Variants in GEMIN5 observed in about 807,000 individuals in gnomAD.
GEMIN5 encodes the protein gem nuclear organelle associated protein 5.
A neutral mutation model predicts 176.9 loss-of-function variants in GEMIN5; 124 were observed. That is an observed-to-expected ratio of 0.70 (90% confidence interval 0.61 to 0.81). The LOEUF is 0.81. Among genes scored for constraint, GEMIN5 ranks in the 40% least tolerant of loss-of-function variants. GEMIN5 has a pLI of 0.00. For missense variants in GEMIN5, 1,843 were observed against 1,814.6 expected, an observed-to-expected ratio of 1.02 and a Z score of -0.28; for synonymous variants, 673 against 665.2, an observed-to-expected ratio of 1.01 and a Z score of -0.18.
chr5:154,928,442 C>T, intron 6 of GEMIN5, 85 bp downstream of exon 6: 5 of 1,202,860 alleles, frequency 4.2e-6, no homozygotes. Flanking sequence ...CAAGCCTTGG[C>T]CATTACTTTC....
At chr5:154,889,511 A>G in intron 26 of GEMIN5, 94 bp from the exon 27 acceptor site, 1 of 645,754 alleles carries the variant, frequency 1.5e-6, no homozygotes, top group Non-Finnish European at 2.7e-6. Context: ...TGTATATAAC[A>G]TAAAGCTTAC....
chr5:154,919,956 C>G lies in GEMIN5; in HGVS notation c.1599+11G>C. On this transcript the variant is annotated intron_variant, in intron 11 of 27. Coordinates refer to ENST00000285873, the MANE Select transcript of GEMIN5 (RefSeq NM_015465.5). ...GTAAAAAGAAAATACTTCAGGACCA[C>G]AAGAACTCACTTTGATTGAATTGGT... 1 of 1,611,658 alleles carries G rather than the reference C, an allele frequency of 6.2e-7. No homozygotes were observed. The highest frequency in any genetic ancestry group is 1.1e-5 in the South Asian group (1 of 90,554).
chr5:154,935,896 T>G lies in GEMIN5; in HGVS notation c.454A>C (p.Arg152=). Residue 152 remains arginine (R), a synonymous_variant, in exon 3 of 28, where the codon AGG becomes CGG. Coordinates refer to ENST00000285873, the MANE Select transcript of GEMIN5 (RefSeq NM_015465.5). ...GAACAAGTAAGACAGAAAATTGTCC[T>G]GGGTTCTATAAAGAGGTGCTGGCTG... ...NDSQHLFIEP[R]TIFCLTCSPH... The G allele has an allele frequency of 6.2e-7, 1 of 1,613,896 alleles. No individual in the cohort carries two copies. Among genetic ancestry groups the G allele is most frequent in the Non-Finnish European group, 8.5e-7 (1 of 1,179,776 alleles).
At chr5:154,930,228 T>C (rs1764133899) in intron 5 of GEMIN5, among the ~76,000 whole-genome samples, 4 of 152,200 alleles carry the variant, frequency 2.6e-5, no homozygotes, top group Admixed American at 2.6e-4. Flanking sequence ...TAGTTTAGCC[T>C]GTGCGGTCTA....
At chr5:154,924,585 A>G (rs1763990109) in intron 8 of GEMIN5, 31 bp from the exon 9 acceptor site, 4 of 1,358,140 alleles carry the variant, frequency 2.9e-6, no homozygotes, top group African/African-American at 2.9e-5. Context: ...AAGTGAGAAT[A>G]TAAGAAGTGG....
intron 24 of GEMIN5, among the ~76,000 whole-genome samples, chr5:154,893,142 C>A (rs1317069923): frequency 6.7e-6 from 1 of 149,508 alleles, no homozygotes; most frequent in Non-Finnish European, 1.5e-5. Flanking sequence ...GTTTCTGGAA[C>A]TAAAAGCTGT....
Position 154,888,080 on chromosome 5 carries a change from T to C in GEMIN5, c.*130A>G. On this transcript the variant is annotated 3_prime_UTR_variant, in exon 28 of 28. Transcript: ENST00000285873. ...GGCAGGGTTGATTCAAACTTAATCC[T>C]TGTTTGTATTCTTTTGGATTACTGC... The C allele has an allele frequency of 1.2e-6, 1 of 851,182 alleles. No homozygotes were observed. The highest frequency in any genetic ancestry group is 1.7e-5 in the African/African-American group (1 of 58,990). The allele number at this position is 851,182 out of a possible 1,614,324, so 52.7% of individuals were successfully genotyped here.
At chr5:154,916,836 T>C (rs1165569358) in intron 13 of GEMIN5, among the ~76,000 whole-genome samples, 162 bp downstream of exon 13, 1 of 152,136 alleles carries the variant, frequency 6.6e-6, no homozygotes, top group Admixed American at 6.5e-5. Flanking sequence ...TTTGAAAGAA[T>C]TTTAAAATAA....
rs1469820139 is a variant in GEMIN5, at chr5:154,938,082, G to C, written c.52C>G (p.Arg18Gly). The C allele has an allele frequency of 6.6e-7, 1 of 1,511,154 alleles. No individual in the cohort carries two copies. Among genetic ancestry groups the C allele is most frequent in the African/African-American group, 1.4e-5 (1 of 69,226 alleles). 93.6% of individuals were successfully genotyped at this position (1,511,154 alleles called of 1,614,324 possible). Residue 18 changes from arginine to glycine, a missense_variant, in exon 1 of 28, where the codon CGC becomes GGC. Physicochemically the swap from Arg to Gly is moderately radical, Grantham distance 125. Coordinates refer to ENST00000285873, the MANE Select transcript of GEMIN5 (RefSeq NM_015465.5). ...CCCCCGGGCACGGCATCGCTGCAGC[G>C]GGCGCAGTACCAGTTGGGGGAGGGC... ...LPPSPNWYCARCSDAVPGGLF... is the reference protein window; with the variant it reads ...LPPSPNWYCAGCSDAVPGGLF...
chr5:154,889,866 T>C (rs1763188160), intron 26 of GEMIN5, among the ~76,000 whole-genome samples: 2 of 152,258 alleles, frequency 1.3e-5, no homozygotes, highest in Non-Finnish European at 2.9e-5. Flanking sequence ...TATCCATTCA[T>C]CTGTCAGTGG....
intron 8 of GEMIN5, among the ~76,000 whole-genome samples, chr5:154,924,861 C>T (rs1260941367): frequency 2.6e-5 from 4 of 151,780 alleles, no homozygotes; most frequent in African/African-American, 4.8e-5. Context: ...TGGTGGCGGG[C>T]GCCTGTAGTC....
In GEMIN5 at chr5:154,928,529, A is replaced by C; in HGVS notation, c.912T>G (p.Phe304Leu). 6.2e-7 allele frequency: 1 copy of C among 1,614,050 alleles called. No homozygotes were observed. Among genetic ancestry groups the C allele is most frequent in the East Asian group, 2.2e-5 (1 of 44,884 alleles). The part of the protein sequence containing the change: ...NQPTQLVSSC[F>L]GGELLQWDLT... ...AAGCATGACCAAAAAAGACTTACCC[A>C]AAACAGCTAGATACCAGCTGTGTTG... Residue 304 changes from phenylalanine (F) to leucine (L), a missense_variant and splice_region_variant, in exon 6 of 28, where the codon TTT (phenylalanine) becomes TTG (leucine). Transcript: ENST00000285873.
chr5:154,936,416 C>CAAAAAAAAAA (rs1303685123), intron 2 of GEMIN5, among the ~76,000 whole-genome samples: 1 of 14,918 alleles, frequency 6.7e-5, no homozygotes, highest in African/African-American at 1.2e-4. Flanking sequence ...GACTCCGTCT[C>CAAAAAAAAAA]AAAAAAAAAA....
rs544452250 is a variant in GEMIN5 at position 154,889,383 on chromosome 5, C to A, written c.4297G>T (p.Glu1433Ter). Residue 1433 changes from glutamate (E) to a stop codon, truncating the protein, a stop_gained, in exon 27 of 28, where the codon GAG (glutamate) becomes TAG (stop). Coordinates refer to ENST00000285873, the MANE Select transcript of GEMIN5 (RefSeq NM_015465.5). LOFTEE classifies it high-confidence loss of function. ...EEKNEPLSLP[E>*]LTKRLTEANQ... ...GCCTCGGTAAGCCTTTTGGTTAACT[C>A]AGGCAGAGAAAGTGGCTCATTTTTT... The A allele has an allele frequency of 6.2e-7, 1 of 1,610,446 alleles. No individual in the cohort carries two copies. Among genetic ancestry groups the A allele is most frequent in the Non-Finnish European group, 8.5e-7 (1 of 1,176,846 alleles).
At chr5:154,903,558 G>A (rs1462784833) in intron 18 of GEMIN5, among the ~76,000 whole-genome samples, 1 of 152,094 alleles carries the variant, frequency 6.6e-6, no homozygotes, top group African/African-American at 2.4e-5. Context: ...GTAAGTTATA[G>A]GAAGTCATCA....
At chr5:154,932,720 G>A (rs1764193812) in intron 3 of GEMIN5, among the ~76,000 whole-genome samples, 1 of 152,114 alleles carries the variant, frequency 6.6e-6, no homozygotes, top group Non-Finnish European at 1.5e-5. Flanking sequence ...TACATGCCAT[G>A]CCCAGCTAAT....
At chr5:154,933,340 A>G (rs1198891157) in intron 3 of GEMIN5, among the ~76,000 whole-genome samples, 2 of 152,036 alleles carry the variant, frequency 1.3e-5, no homozygotes, top group African/African-American at 4.8e-5. Context: ...TGTTTTTTTC[A>G]CTCATTCTGT....
In GEMIN5 at chr5:154,938,061, C is replaced by A; in HGVS notation, c.73G>T (p.Gly25Trp). The A allele has an allele frequency of 6.5e-7, 1 of 1,530,724 alleles. No individual in the cohort carries two copies. The highest frequency in any genetic ancestry group is 8.8e-7 in the Non-Finnish European group (1 of 1,142,830). The allele number at this position is 1,530,724 out of a possible 1,614,324, so 94.8% of individuals were successfully genotyped here. Residue 25 changes from glycine (G) to tryptophan (W), a missense_variant, in exon 1 of 28, where the codon GGG (glycine) becomes TGG (tryptophan). Gly to Trp is a radical substitution (Grantham distance 184). Transcript: ENST00000285873. Reference protein sequence around the residue: ...YCARCSDAVPGGLFGFAARTS... With the variant: ...YCARCSDAVPWGLFGFAARTS... ...CGCGCGGCGAAGCCAAAGAGGCCCC[C>A]GGGCACGGCATCGCTGCAGCGGGCG...
intron 3 of GEMIN5, among the ~76,000 whole-genome samples, chr5:154,933,329 T>C (rs1456902129): frequency 2.6e-5 from 4 of 152,236 alleles, no homozygotes; most frequent in Non-Finnish European, 4.4e-5. Context: ...TTCCTGCAGC[T>C]TGTTTTTTTC....
Sources: allele counts gnomAD v4.1 joint callset (sites outside exome capture counted in the v4.1 genomes callset), GRCh38; gene constraint gnomAD v4.1.1; transcripts MANE v1.5; gene names NCBI Gene and HGNC (gene_info 2026-07-23, HGNC 2026-07-21).